CACNA1A: variants seen among roughly 807,000 people sequenced by gnomAD.
CACNA1A encodes the protein voltage-dependent P/Q-type calcium channel subunit alpha-1A.
Under a neutral mutation model 262.4 loss-of-function variants are expected in CACNA1A, and 57 were observed. The observed-to-expected ratio is 0.22, with a 90% CI of 0.18 to 0.27. The LOEUF (loss-of-function observed/expected upper bound fraction) is 0.27, where lower values mean the gene tolerates loss of function less well. Among genes scored for constraint, CACNA1A ranks in the 10% least tolerant of loss-of-function variants. The pLI, the probability that CACNA1A is intolerant of heterozygous loss-of-function variation, is 1.00. For synonymous variants in CACNA1A, 1,431 were observed against 1,419.3 expected, an observed-to-expected ratio of 1.01 and a Z score of -0.18; for missense variants, 2,526 against 3,562.8, an observed-to-expected ratio of 0.71 and a Z score of 7.41.
chr19:13,361,002 G>A lies in CACNA1A; in HGVS notation c.785-1203C>T, dbSNP rs2059101536. 2.0e-5 allele frequency among the ~76,000 whole-genome samples: 3 copies of A among 152,242 alleles called. No individual in the cohort carries two copies. The South Asian group carries it at 6.2e-4, about 32-fold the overall frequency. On this transcript the variant is annotated intron_variant, in intron 5 of 46. Transcript: ENST00000360228. ...TAATATAGTCAGTTTTAGTAAATGT[G>A]CCGTGTGCATGGTGTAGCTGGTAAG...
At chr19:13,231,414 G>C (rs1415410430) in intron 35 of CACNA1A, among the ~76,000 whole-genome samples, 1 of 151,512 alleles carries the variant, frequency 6.6e-6, no homozygotes, top group Non-Finnish European at 1.5e-5. Context: ...AGACATTTTT[G>C]GTTGTCACAA....
intron 3 of CACNA1A, among the ~76,000 whole-genome samples, chr19:13,405,768 T>C (rs1287819086): frequency 6.6e-6 from 1 of 152,188 alleles, no homozygotes; most frequent in Non-Finnish European, 1.5e-5. Context: ...ACATAGCATC[T>C]CTATCATCCT....
chr19:13,428,404 G>A (rs986235709), intron 3 of CACNA1A, among the ~76,000 whole-genome samples: 9 of 152,294 alleles, frequency 5.9e-5, no homozygotes, highest in African/African-American at 2.2e-4. Context: ...CTTGTTGACC[G>A]ATGTGTCATC....
chr19:13,347,833 T>A (rs2058820735), intron 6 of CACNA1A, among the ~76,000 whole-genome samples: 1 of 152,228 alleles, frequency 6.6e-6, no homozygotes, highest in Non-Finnish European at 1.5e-5. Flanking sequence ...CAAACATCTA[T>A]GAATGAAAAA....
At chr19:13,333,049 C>A in intron 8 of CACNA1A, 124 bp from the exon 9 acceptor site, 1 of 670,088 alleles carries the variant, frequency 1.5e-6, no homozygotes, top group Non-Finnish European at 2.6e-6. Context: ...GCTCAACCGA[C>A]CAAAAAACAT....
intron 31 of CACNA1A, chr19:13,244,352 G>T: frequency 6.6e-6 from 1 of 152,400 alleles, no homozygotes; most frequent in Non-Finnish European, 1.5e-5. Flanking sequence ...AAACCACTTG[G>T]CACAGTTCCC....
chr19:13,466,820 A>G (rs2061251451), intron 1 of CACNA1A, among the ~76,000 whole-genome samples: 1 of 152,056 alleles, frequency 6.6e-6, no homozygotes, highest in Non-Finnish European at 1.5e-5. Flanking sequence ...TCAACCATTT[A>G]GAGAAGCATG....
intron 35 of CACNA1A, among the ~76,000 whole-genome samples, chr19:13,230,674 A>G (rs2055629488): frequency 6.6e-6 from 1 of 152,040 alleles, no homozygotes; most frequent in Admixed American, 6.6e-5. Flanking sequence ...GTGTGGTGGC[A>G]TGTGCACCTG....
At chr19:13,435,885 C>T (rs544323808) in intron 3 of CACNA1A, among the ~76,000 whole-genome samples, 2 of 152,194 alleles carry the variant, frequency 1.3e-5, no homozygotes, top group African/African-American at 4.8e-5. Context: ...AGTGCAGTGG[C>T]GCAGACTCAG....
At chr19:13,347,493 C>T (rs528201333) in intron 6 of CACNA1A, among the ~76,000 whole-genome samples, 3 of 152,156 alleles carry the variant, frequency 2.0e-5, no homozygotes, top group Non-Finnish European at 4.4e-5. Flanking sequence ...CCACAAACTA[C>T]AGCCCGCGGG....
intron 3 of CACNA1A, among the ~76,000 whole-genome samples, chr19:13,413,695 A>G (rs1487987708): frequency 6.8e-6 from 1 of 148,040 alleles, no homozygotes; most frequent in Non-Finnish European, 1.5e-5. Flanking sequence ...CCCGGCCAAC[A>G]TAGCGAAACC....
intron 1 of CACNA1A, among the ~76,000 whole-genome samples, chr19:13,456,020 C>G (rs1316033966): frequency 6.6e-6 from 1 of 151,382 alleles, no homozygotes; most frequent in African/African-American, 2.4e-5. Context: ...CGTGGTGGTA[C>G]ACACCTGTAG....
intron 5 of CACNA1A, chr19:13,363,478 G>GC (rs2059149318): frequency 6.9e-6 from 1 of 144,252 alleles, no homozygotes; most frequent in African/African-American, 2.7e-5. Flanking sequence ...GACAGGAGGA[G>GC]CAAGAGAAAA....
At chr19:13,320,582 AT>A (rs36086386) in intron 10 of CACNA1A, among the ~76,000 whole-genome samples, 47,254 of 152,000 alleles carry the variant, frequency 0.31, 8,158 homozygotes, top group East Asian at 0.65. Context: ...CTGAAGACAC[AT>A]TCCCCACGAC....
At chr19:13,436,534 CTCATTCATTCACTCAT>C (rs1455903898) in intron 3 of CACNA1A, among the ~76,000 whole-genome samples, 1 of 133,798 alleles carries the variant, frequency 7.5e-6, no homozygotes, top group African/African-American at 3.2e-5. Context: ...CATTCACTCA[CTCATTCATTCACTCAT>C]TCATTCATCC....
intron 10 of CACNA1A, among the ~76,000 whole-genome samples, chr19:13,325,150 TCTTC>T (rs1217815810): frequency 6.8e-6 from 1 of 147,936 alleles, no homozygotes; most frequent in African/African-American, 2.5e-5. Flanking sequence ...CTCTTCTTCT[TCTTC>T]CTTCTTCCTT....
chr19:13,240,024 G>C (rs950716543), intron 31 of CACNA1A, among the ~76,000 whole-genome samples: 1 of 151,982 alleles, frequency 6.6e-6, no homozygotes, highest in Admixed American at 6.6e-5. Context: ...GGTGGTACAT[G>C]CTTGTAATCC....
At chr19:13,278,160 C>G (rs1245622550) in intron 22 of CACNA1A, among the ~76,000 whole-genome samples, 1 of 151,830 alleles carries the variant, frequency 6.6e-6, no homozygotes, top group African/African-American at 2.4e-5. Flanking sequence ...CACCAGAGGG[C>G]GCTGTGAACA....
At chr19:13,382,029 T>C (rs1299829230) in intron 3 of CACNA1A, among the ~76,000 whole-genome samples, 2 of 152,092 alleles carry the variant, frequency 1.3e-5, no homozygotes, top group Non-Finnish European at 2.9e-5. Flanking sequence ...GGCAACTGCA[T>C]TGACGCAGTT....
Sources: allele counts gnomAD v4.1 joint callset (sites outside exome capture counted in the v4.1 genomes callset), GRCh38; gene constraint gnomAD v4.1.1; transcripts MANE v1.5; gene names NCBI Gene and HGNC (gene_info 2026-07-23, HGNC 2026-07-21).